Variants in DNAH6 observed in about 807,000 individuals in gnomAD.
The protein encoded by DNAH6 is dynein axonemal heavy chain 6, also known as axonemal beta dynein heavy chain 6.
Under a neutral mutation model 491.4 loss-of-function variants are expected in DNAH6, and 340 were observed. The observed-to-expected ratio is 0.69, with a 90% CI of 0.63 to 0.76. DNAH6 has a LOEUF of 0.76. Among genes scored for constraint, DNAH6 ranks in the 30% least tolerant of loss-of-function variants. The pLI is 0.00. For synonymous variants in DNAH6, 1,603 were observed against 1,686.1 expected (o/e 0.95, Z 1.21); for missense variants, 4,443 against 4,972.2 (o/e 0.89, Z 3.20).
intron 29 of DNAH6, among the ~76,000 whole-genome samples, chr2:84,628,175 C>T (rs1263606901): frequency 6.6e-6 from 1 of 152,150 alleles, no homozygotes; most frequent in Non-Finnish European, 1.5e-5. Flanking sequence ...TTCATACAGG[C>T]ATGGATGGCT....
the DNAH6 span, among the ~76,000 whole-genome samples, chr2:84,470,571 A>G: frequency 1.3e-5 from 2 of 152,206 alleles, no homozygotes; most frequent in African/African-American, 4.8e-5. Flanking sequence ...GAGGACAACC[A>G]GAGTGACCTC....
chr2:84,491,231 C>T, the DNAH6 span, among the ~76,000 whole-genome samples: 7 of 152,178 alleles, frequency 4.6e-5, no homozygotes, highest in Admixed American at 3.3e-4. Context: ...TGTATTTCCA[C>T]AAGCAACGTA....
At chr2:84,714,465 G>A (rs1697336456) in intron 57 of DNAH6, among the ~76,000 whole-genome samples, 1 of 152,140 alleles carries the variant, frequency 6.6e-6, no homozygotes. Flanking sequence ...GGAGAATGGA[G>A]GGGAGCAGGA....
intron 9 of DNAH6, among the ~76,000 whole-genome samples, chr2:84,552,493 CA>C (rs1380383580): frequency 6.6e-6 from 1 of 152,184 alleles, no homozygotes; most frequent in East Asian, 1.9e-4. Flanking sequence ...CAAGAATTCT[CA>C]GATTATGCCC....
chr2:84,648,586 T>A (rs371267816), intron 33 of DNAH6, among the ~76,000 whole-genome samples: 10 of 152,162 alleles, frequency 6.6e-5, no homozygotes, highest in African/African-American at 1.2e-4. Flanking sequence ...TAGACCTCAG[T>A]GGAGGAAGTA....
intron 22 of DNAH6, among the ~76,000 whole-genome samples, chr2:84,615,378 G>A (rs1232616686): frequency 6.6e-6 from 1 of 152,018 alleles, no homozygotes; most frequent in African/African-American, 2.4e-5. Context: ...TCTCTATTCT[G>A]TTCCATTGGT....
intron 11 of DNAH6, among the ~76,000 whole-genome samples, chr2:84,566,807 C>T (rs886355491): frequency 6.6e-6 from 1 of 151,894 alleles, no homozygotes; most frequent in African/African-American, 2.4e-5. Context: ...GCTGTCAGAC[C>T]AGTAGAGTAG....
the DNAH6 span, among the ~76,000 whole-genome samples, chr2:84,481,015 C>T: frequency 9.2e-5 from 14 of 151,922 alleles, no homozygotes; most frequent in Non-Finnish European, 1.6e-4. Flanking sequence ...TCCAGGCCTG[C>T]ATCCTCACAG....
intron 64 of DNAH6, among the ~76,000 whole-genome samples, chr2:84,763,962 G>A (rs1394786719): frequency 6.6e-6 from 1 of 152,062 alleles, no homozygotes; most frequent in Non-Finnish European, 1.5e-5. Context: ...CGATGTTCCT[G>A]CTTAATAGTC....
At chr2:84,582,115 G>A (rs1052689756) in intron 14 of DNAH6, among the ~76,000 whole-genome samples, 3 of 152,154 alleles carry the variant, frequency 2.0e-5, no homozygotes, top group Non-Finnish European at 4.4e-5. Flanking sequence ...TAACTTGTTC[G>A]AGGTGTTAGA....
At chr2:84,583,978 G>A (rs1683293941) in intron 14 of DNAH6, 21 bp from the exon 15 acceptor site, 1 of 1,610,346 alleles carries the variant, frequency 6.2e-7, no homozygotes, top group Non-Finnish European at 8.5e-7. Context: ...CATTTAATGA[G>A]CAAACTATGT....
At chr2:84,553,078 G>T in intron 10 of DNAH6, 44 bp downstream of exon 10, 1 of 1,183,388 alleles carries the variant, frequency 8.5e-7, no homozygotes, top group Non-Finnish European at 1.2e-6. Context: ...CACCTATTTG[G>T]AAAATGAAGC....
chr2:84,499,799 C>T, the DNAH6 span, among the ~76,000 whole-genome samples: 1 of 152,042 alleles, frequency 6.6e-6, no homozygotes, highest in South Asian at 2.1e-4. Context: ...TGTGGAACAC[C>T]TTTTCATATG....
At chr2:84,602,782 G>C (rs1257575110) in intron 18 of DNAH6, among the ~76,000 whole-genome samples, 2 of 141,310 alleles carry the variant, frequency 1.4e-5, no homozygotes, top group Non-Finnish European at 3.0e-5. Context: ...TTGTCCCACA[G>C]GTCTTGGATG....
chr2:84,544,155 A>G, intron 4 of DNAH6, 78 bp from the exon 5 acceptor site: 1 of 743,336 alleles, frequency 1.3e-6, no homozygotes, highest in Non-Finnish European at 2.0e-6. Context: ...TTATCTCTGT[A>G]GAATAAAAAA....
intron 63 of DNAH6, among the ~76,000 whole-genome samples, chr2:84,759,471 T>C (rs1674361414): frequency 6.6e-6 from 1 of 152,012 alleles, no homozygotes; most frequent in Non-Finnish European, 1.5e-5. Context: ...ATTGTGCCAC[T>C]GCACTCCAGC....
At chr2:84,518,751 A>T (rs886337943) in intron 2 of DNAH6, among the ~76,000 whole-genome samples, 1 of 152,248 alleles carries the variant, frequency 6.6e-6, no homozygotes, top group African/African-American at 2.4e-5. Context: ...GGAATGAACA[A>T]AGCAAATGAA....
chr2:84,636,384 C>T (rs540210069), intron 30 of DNAH6, among the ~76,000 whole-genome samples: 3 of 152,314 alleles, frequency 2.0e-5, no homozygotes, highest in African/African-American at 7.2e-5. Context: ...CTTCAGGTCC[C>T]AAGCAGGTTG....
chr2:84,808,264 A>G, intron 71 of DNAH6, 151 bp from the exon 72 acceptor site: 1 of 873,334 alleles, frequency 1.1e-6, no homozygotes. Context: ...ATTCTAAATT[A>G]TAGAAACATC....
Sources: gnomAD v4.1 joint callset for allele counts (sites outside exome capture counted in the v4.1 genomes callset) on GRCh38, gnomAD v4.1.1 for gene constraint, MANE v1.5 for transcripts, NCBI Gene and HGNC (gene_info 2026-07-23, HGNC 2026-07-21) for gene names.